CCDC57: variants seen among roughly 807,000 people sequenced by gnomAD.
The protein encoded by CCDC57 is coiled-coil domain-containing protein 57.
Under a neutral mutation model 118.9 loss-of-function variants are expected in CCDC57, and 118 were observed. That is an observed-to-expected ratio of 0.99 (90% CI 0.86 to 1.16). The LOEUF is 1.16. Ranked by LOEUF, CCDC57 falls within the 50% of genes most tolerant of loss-of-function variation. The pLI is 0.00. For synonymous variants in CCDC57, 527 were observed against 532.9 expected, an observed-to-expected ratio of 0.99 and a Z score of 0.15; for missense variants, 1,300 against 1,320.7, an observed-to-expected ratio of 0.98 and a Z score of 0.24.
chr17:82,208,199 C>A (rs973597240), intron 1 of CCDC57, among the ~76,000 whole-genome samples: 2 of 151,818 alleles, frequency 1.3e-5, no homozygotes, highest in Non-Finnish European at 1.5e-5. Context: ...TGAGCCACTG[C>A]GCCCAGCCCA....
chr17:82,101,925 G>A (rs2034477961), intron 19 of CCDC57, 59 bp from the exon 19 acceptor site: 1 of 1,456,662 alleles, frequency 6.9e-7, no homozygotes, highest in South Asian at 1.4e-5. Flanking sequence ...GCAGGAGGCT[G>A]TGCTCACAGG....
intron 1 of CCDC57, among the ~76,000 whole-genome samples, chr17:82,211,505 G>A (rs1321019347): frequency 1.3e-5 from 2 of 152,070 alleles, no homozygotes; most frequent in Admixed American, 6.6e-5. Context: ...AAAGGCACAC[G>A]GGAAATCTGT....
chr17:82,131,700 C>T lies in CCDC57; in HGVS notation c.2577+2373G>A, dbSNP rs149027279. Among the ~76,000 whole-genome samples the T allele has an allele frequency of 2.0e-5, 3 of 152,062 alleles. No individual in the cohort carries two copies. The East Asian group carries it at 5.8e-4, about 29-fold the overall frequency. ...CTGGGAGACAGACGTTGCAATAAGCCGAGACTGTGCCACTGCACTCCAGCC... is the reference window on the plus strand; with the variant it reads ...CTGGGAGACAGACGTTGCAATAAGCTGAGACTGTGCCACTGCACTCCAGCC... On this transcript the variant is annotated intron_variant, in intron 17 of 19. Transcript: ENST00000665763.
At chr17:82,170,657 C>T (rs1426305730) in intron 13 of CCDC57, among the ~76,000 whole-genome samples, 4 of 151,928 alleles carry the variant, frequency 2.6e-5, no homozygotes, top group African/African-American at 9.7e-5. Context: ...GAGGAACCCA[C>T]CCTGCCGGCA....
At chr17:82,193,635 C>A in intron 7 of CCDC57, 121 bp downstream of exon 6, 1 of 756,998 alleles carries the variant, frequency 1.3e-6, no homozygotes, top group Non-Finnish European at 2.2e-6. Context: ...ACAGCGGGCT[C>A]CCAGGTCCGA....
At chr17:82,138,630 G>A (rs536036216) in intron 16 of CCDC57, among the ~76,000 whole-genome samples, 45 of 117,224 alleles carry the variant, frequency 3.8e-4, no homozygotes, top group African/African-American at 1.2e-3. Flanking sequence ...CGGGAAGACT[G>A]CCGAGTCGGA....
At chr17:82,111,334 C>T (rs1329118761) in intron 19 of CCDC57, among the ~76,000 whole-genome samples, 3 of 36 alleles carry the variant, frequency 0.083, no homozygotes, top group African/African-American at 0.12. Flanking sequence ...ATCTCCTGAC[C>T]CTCGTGATCC....
At chr17:82,133,883 CA>C (rs1479921566) in intron 17 of CCDC57, among the ~76,000 whole-genome samples, 189 bp downstream of exon 16, 1 of 150,148 alleles carries the variant, frequency 6.7e-6, no homozygotes, top group African/African-American at 2.5e-5. Context: ...AAATGAGAAC[CA>C]AAACCAAACC....
chr17:82,188,982 A>G (rs1261292141), intron 7 of CCDC57, among the ~76,000 whole-genome samples: 1 of 152,234 alleles, frequency 6.6e-6, no homozygotes, highest in African/African-American at 2.4e-5. Flanking sequence ...ATATTATGTT[A>G]GCAGCCAGGC....
At chr17:82,182,264 T>C (rs918345972) in intron 9 of CCDC57, among the ~76,000 whole-genome samples, 6 of 148,146 alleles carry the variant, frequency 4.1e-5, no homozygotes, top group African/African-American at 1.5e-4. Context: ...TTTATTTCAG[T>C]CAATGGAAGT....
intron 19 of CCDC57, chr17:82,112,552 GA>G (rs1568141907): frequency 1.3e-5 from 2 of 152,310 alleles, no homozygotes; most frequent in African/African-American, 4.8e-5. Context: ...AGACTCAAGA[GA>G]ACCCTGTGCA....
intron 11 of CCDC57, among the ~76,000 whole-genome samples, chr17:82,174,088 G>A (rs2045141688): frequency 6.6e-6 from 1 of 152,254 alleles, no homozygotes; most frequent in Non-Finnish European, 1.5e-5. Flanking sequence ...CAGCCAAGAT[G>A]TGTGCAAAAG....
chr17:82,203,366 G>A (rs947103815), intron 2 of CCDC57, among the ~76,000 whole-genome samples: 4 of 152,088 alleles, frequency 2.6e-5, no homozygotes, highest in African/African-American at 7.2e-5. Context: ...ATTACCCAGC[G>A]TCAGGTATTT....
intron 16 of CCDC57, among the ~76,000 whole-genome samples, chr17:82,140,078 C>T (rs188334776): frequency 3.9e-5 from 6 of 152,018 alleles, no homozygotes; most frequent in Admixed American, 2.0e-4. Context: ...GTAAGTGATA[C>T]CTTGTTTTTT....
rs188601956 is a variant in CCDC57, at chr17:82,170,306, G to C, written c.1882+1395C>G. ...AGGCAGATCACGAGGTCAGGAGTTCGGGACCAGCCTGACCAACGTGGTGAA... is the reference window on the plus strand; with the variant it reads ...AGGCAGATCACGAGGTCAGGAGTTCCGGACCAGCCTGACCAACGTGGTGAA... On this transcript the variant is annotated intron_variant, in intron 13 of 19. Coordinates refer to ENST00000665763, the Ensembl canonical transcript of CCDC57. Among the ~76,000 whole-genome samples the C allele has an allele frequency of 5.9e-5, 9 of 152,126 alleles. No homozygotes were observed. The East Asian group carries it at 1.5e-3, about 26-fold the overall frequency.
intron 10 of CCDC57, 109 bp downstream of exon 9, chr17:82,178,918 T>TA: frequency 1.6e-6 from 2 of 1,222,280 alleles, no homozygotes; most frequent in Non-Finnish European, 2.3e-6. Flanking sequence ...CAGTGAGGTT[T>TA]AGTGTTTTCA....
chr17:82,184,029 G>GCGCGCGCGCA lies in CCDC57; in HGVS notation c.1053-98_1053-97insTGCGCGCGCG. ...AGCAAATACACATGCGCGCGCGCGC[G>GCGCGCGCGCA]CGCACACACACACACACACACACAC... On this transcript the variant is annotated intron_variant, in intron 8 of 19. Coordinates refer to ENST00000665763, the Ensembl canonical transcript of CCDC57. 5 of 235,814 alleles carry GCGCGCGCGCA rather than the reference G, an allele frequency of 2.1e-5. 1 individual carries two copies. The highest frequency in any genetic ancestry group is 3.0e-5 in the Non-Finnish European group (4 of 132,494). The allele number at this position is 235,814 out of a possible 1,614,324, so 14.6% of individuals were successfully genotyped here. A position where few individuals can be genotyped will look rare whatever the true frequency, so the allele number is the denominator to read the frequency against.
chr17:82,199,651 C>T (rs572521873), intron 3 of CCDC57, among the ~76,000 whole-genome samples: 1 of 152,178 alleles, frequency 6.6e-6, no homozygotes, highest in South Asian at 2.1e-4. Context: ...AAAGTCAGCA[C>T]CCGCACGGCG....
chr17:82,190,029 T>G (rs895902659), intron 7 of CCDC57, among the ~76,000 whole-genome samples: 1 of 150,972 alleles, frequency 6.6e-6, no homozygotes, highest in Non-Finnish European at 1.5e-5. Context: ...AAAAAAAAAA[T>G]GATGAGACAC....
Sources: gnomAD v4.1 joint callset for allele counts (sites outside exome capture counted in the v4.1 genomes callset) on GRCh38, gnomAD v4.1.1 for gene constraint, MANE v1.5 for transcripts, NCBI Gene and HGNC (gene_info 2026-07-23, HGNC 2026-07-21) for gene names.